The following CACNA2D3 variants were observed in gnomAD, a reference collection of about 807,000 sequenced individuals.
CACNA2D3 encodes calcium voltage-gated channel auxiliary subunit alpha2delta 3.
Under a neutral mutation model 160.6 loss-of-function variants are expected in CACNA2D3, and 60 were observed. The observed-to-expected ratio is 0.37, with a 90% CI of 0.30 to 0.46. The LOEUF is 0.46. Among genes scored for constraint, CACNA2D3 ranks in the 20% least tolerant of loss-of-function variants. CACNA2D3 has a pLI of 1.00. For missense variants in CACNA2D3, 1,205 were observed against 1,365.0 expected, an observed-to-expected ratio of 0.88 and a Z score of 1.85; for synonymous variants, 558 against 492.9, an observed-to-expected ratio of 1.13 and a Z score of -1.75.
intron 2 of CACNA2D3, among the ~76,000 whole-genome samples, chr3:54,268,163 A>T (rs1702554670): frequency 6.6e-6 from 1 of 152,214 alleles, no homozygotes. Flanking sequence ...TTAAAGAAGC[A>T]GCTCATATGA....
chr3:54,365,609 A>G (rs1371825238), intron 3 of CACNA2D3, among the ~76,000 whole-genome samples: 1 of 152,186 alleles, frequency 6.6e-6, no homozygotes, highest in East Asian at 1.9e-4. Flanking sequence ...CATACCTGTA[A>G]TCCCAGCACT....
At chr3:54,176,423 A>G (rs1700679332) in intron 2 of CACNA2D3, among the ~76,000 whole-genome samples, 1 of 152,180 alleles carries the variant, frequency 6.6e-6, no homozygotes, top group East Asian at 1.9e-4. Context: ...TGTGGCAGCA[A>G]TTCCTTGCTG....
chr3:54,754,488 T>C (rs539630971), intron 12 of CACNA2D3, among the ~76,000 whole-genome samples: 45 of 152,202 alleles, frequency 3.0e-4, no homozygotes, highest in Non-Finnish European at 5.1e-4. Flanking sequence ...AGTTATTCTC[T>C]TGTGTTATGT....
intron 27 of CACNA2D3, among the ~76,000 whole-genome samples, chr3:54,930,804 G>A (rs1186604351): frequency 6.6e-6 from 1 of 152,168 alleles, no homozygotes; most frequent in Non-Finnish European, 1.5e-5. Flanking sequence ...AAGATCCAAA[G>A]TGGCATCTTG....
At chr3:54,998,955 C>T (rs1672901551) in intron 31 of CACNA2D3, among the ~76,000 whole-genome samples, 1 of 152,040 alleles carries the variant, frequency 6.6e-6, no homozygotes, top group South Asian at 2.1e-4. Context: ...ACTATTTTAG[C>T]CAGGATGGTC....
intron 13 of CACNA2D3, among the ~76,000 whole-genome samples, chr3:54,769,196 C>G (rs920727355): frequency 6.6e-6 from 1 of 152,100 alleles, no homozygotes; most frequent in Non-Finnish European, 1.5e-5. Context: ...TGCTTACCAA[C>G]TTTGGAACCA....
At chr3:54,309,046 A>G (rs1703672217) in intron 2 of CACNA2D3, among the ~76,000 whole-genome samples, 2 of 152,224 alleles carry the variant, frequency 1.3e-5, no homozygotes, top group Admixed American at 6.5e-5. Flanking sequence ...GCACACATGG[A>G]CTTGTAATTA....
intron 31 of CACNA2D3, among the ~76,000 whole-genome samples, chr3:54,999,764 A>G (rs1395617966): frequency 6.6e-6 from 1 of 152,204 alleles, no homozygotes; most frequent in Non-Finnish European, 1.5e-5. Context: ...GCAGCCTGCT[A>G]ATTCTTAGAG....
At chr3:54,504,927 C>T (rs564043709) in intron 5 of CACNA2D3, among the ~76,000 whole-genome samples, 14 of 152,244 alleles carry the variant, frequency 9.2e-5, no homozygotes, top group South Asian at 8.3e-4. Context: ...ACAGAAAGTG[C>T]GCAGTGCATT....
chr3:54,341,807 C>T (rs372003651), intron 3 of CACNA2D3, among the ~76,000 whole-genome samples: 9 of 152,306 alleles, frequency 5.9e-5, no homozygotes, highest in African/African-American at 2.2e-4. Flanking sequence ...TGCACTCCTT[C>T]AAGCTAGAGT....
At chr3:54,861,537 C>G (rs1403253401) in intron 17 of CACNA2D3, among the ~76,000 whole-genome samples, 3 of 152,108 alleles carry the variant, frequency 2.0e-5, no homozygotes, top group South Asian at 2.1e-4. Flanking sequence ...CCAGCCTAAG[C>G]AGTGATATGA....
chr3:54,504,822 A>G (rs774143333), intron 5 of CACNA2D3, among the ~76,000 whole-genome samples: 16 of 152,172 alleles, frequency 1.1e-4, no homozygotes, highest in South Asian at 6.2e-4. Context: ...CAGTTTCCCT[A>G]TTTGTGAAAT....
chr3:54,983,867 A>G (rs1702557600), intron 29 of CACNA2D3, among the ~76,000 whole-genome samples: 1 of 152,206 alleles, frequency 6.6e-6, no homozygotes, highest in African/African-American at 2.4e-5. Flanking sequence ...TTAAGTTTAA[A>G]CTCCACAGCA....
chr3:54,579,761 A>G (rs1020710795), intron 8 of CACNA2D3, among the ~76,000 whole-genome samples: 1 of 152,168 alleles, frequency 6.6e-6, no homozygotes, highest in African/African-American at 2.4e-5. Flanking sequence ...GTTTTCCTTC[A>G]TATTGAACTC....
At chr3:54,360,248 G>C (rs1035952221) in intron 3 of CACNA2D3, among the ~76,000 whole-genome samples, 1 of 152,230 alleles carries the variant, frequency 6.6e-6, no homozygotes, top group African/African-American at 2.4e-5. Context: ...GCTCCAGGTA[G>C]TTGGTGGATT....
intron 2 of CACNA2D3, among the ~76,000 whole-genome samples, chr3:54,223,595 A>G (rs998605880): frequency 6.6e-6 from 1 of 151,986 alleles, no homozygotes; most frequent in African/African-American, 2.4e-5. Context: ...TAATCCTAGC[A>G]CTGTAATCCC....
intron 2 of CACNA2D3, among the ~76,000 whole-genome samples, chr3:54,193,577 A>G (rs191440540): frequency 6.6e-6 from 1 of 152,292 alleles, no homozygotes. Flanking sequence ...TCTAGTTTCT[A>G]GATGAGGAAA....
At chr3:54,505,812 G>A (rs552233684) in intron 5 of CACNA2D3, among the ~76,000 whole-genome samples, 3 of 152,286 alleles carry the variant, frequency 2.0e-5, no homozygotes, top group South Asian at 4.1e-4. Context: ...AGGCATAATT[G>A]TGCCTTTTAA....
chr3:54,266,036 T>G (rs1041560069), intron 2 of CACNA2D3, among the ~76,000 whole-genome samples: 2 of 152,176 alleles, frequency 1.3e-5, no homozygotes, highest in Admixed American at 6.5e-5. Context: ...TAGAAAAATA[T>G]GGGCCAATTT....
Sources: allele counts gnomAD v4.1 joint callset (sites outside exome capture counted in the v4.1 genomes callset), GRCh38; gene constraint gnomAD v4.1.1; transcripts MANE v1.5; gene names NCBI Gene and HGNC (gene_info 2026-07-23, HGNC 2026-07-21).